The following BANP variants were observed in gnomAD, a reference collection of about 807,000 sequenced individuals.
BANP encodes the protein protein BANP.
A neutral mutation model predicts 68.1 loss-of-function variants in BANP; 11 were observed. The observed-to-expected ratio is 0.16, with a 90% CI of 0.10 to 0.27. BANP has a LOEUF of 0.27. Ranked by LOEUF, BANP falls within the 10% of genes least tolerant of loss-of-function variation. The pLI, the probability that BANP is intolerant of heterozygous loss-of-function variation, is 1.00. For missense variants in BANP, 504 were observed against 722.7 expected, an observed-to-expected ratio of 0.70 and a Z score of 3.47; for synonymous variants, 329 against 303.2, an observed-to-expected ratio of 1.09 and a Z score of -0.88.
intron 1 of BANP, among the ~76,000 whole-genome samples, chr16:87,974,528 G>A (rs1347291327): frequency 2.6e-5 from 4 of 152,212 alleles, no homozygotes; most frequent in East Asian, 1.9e-4. Context: ...TAGCAGAAAC[G>A]GAGTATGGGT....
chr16:88,027,840 C>T (rs1052000794), intron 8 of BANP, among the ~76,000 whole-genome samples, 190 bp downstream of exon 8: 14 of 152,240 alleles, frequency 9.2e-5, no homozygotes, highest in Admixed American at 8.5e-4. Context: ...GCCCTTCACA[C>T]GGACAGCCTC....
intron 11 of BANP, among the ~76,000 whole-genome samples, chr16:88,053,268 TATC>T (rs1448507108): frequency 1.6e-5 from 2 of 126,654 alleles, no homozygotes; most frequent in Non-Finnish European, 3.3e-5. Context: ...CCTCCTTCAC[TATC>T]ATCACCGTCA....
intron 1 of BANP, among the ~76,000 whole-genome samples, chr16:87,956,392 CG>C (rs1461611604): frequency 2.0e-5 from 3 of 152,172 alleles, no homozygotes; most frequent in African/African-American, 7.2e-5. Flanking sequence ...TCTCTTCACA[CG>C]GGTGACGGTG....
intron 13 of BANP, among the ~76,000 whole-genome samples, chr16:88,072,487 C>T (rs1168752216): frequency 6.6e-6 from 1 of 152,234 alleles, no homozygotes; most frequent in Non-Finnish European, 1.5e-5. Flanking sequence ...GAAGCTCTGC[C>T]CTGTCCTCCC....
At chr16:88,048,442 C>T (rs574249862) in intron 11 of BANP, among the ~76,000 whole-genome samples, 6 of 151,802 alleles carry the variant, frequency 4.0e-5, no homozygotes, top group African/African-American at 1.2e-4. Flanking sequence ...ATTGAATCGG[C>T]GCTCACCGCA....
chr16:88,071,744 T>C lies in BANP; in HGVS notation c.1378-325T>C, dbSNP rs1449535426. On this transcript the variant is annotated intron_variant, in intron 12 of 13. Transcript: ENST00000682872. This position sits in a 1 kb window ranked among gnomAD's most constrained non-coding sequence, Gnocchi z 6.5. ...CACTGGGATTTTCCAGGAGGCTCTG[T>C]GGCATTTGCTGTTGCTCTCTTTTTC... 1.8e-6 allele frequency: 1 copy of C among 570,810 alleles called. No homozygotes were observed. The highest frequency in any genetic ancestry group is 3.9e-5 in the East Asian group (1 of 25,662). The allele number at this position is 570,810 out of a possible 1,614,324, so 35.4% of individuals were successfully genotyped here.
intron 8 of BANP, 64 bp downstream of exon 8, chr16:88,027,714 C>G: frequency 1.9e-6 from 3 of 1,585,314 alleles, no homozygotes; most frequent in South Asian, 1.1e-5. Context: ...TGGTGGCACC[C>G]TCAGGGGCAG....
intron 11 of BANP, among the ~76,000 whole-genome samples, chr16:88,056,828 T>C (rs1166693320): frequency 1.3e-5 from 2 of 152,248 alleles, no homozygotes; most frequent in African/African-American, 2.4e-5. Context: ...TGAGTGATCA[T>C]TGAGTGAATG....
At chr16:88,065,861 G>A (rs1232778036) in intron 12 of BANP, among the ~76,000 whole-genome samples, 1 of 152,136 alleles carries the variant, frequency 6.6e-6, no homozygotes, top group African/African-American at 2.4e-5. Context: ...CAGGATCCCA[G>A]CCCCACAGTG....
At chr16:87,964,184 C>G (rs754882194) in intron 1 of BANP, among the ~76,000 whole-genome samples, 2 of 152,248 alleles carry the variant, frequency 1.3e-5, no homozygotes, top group Non-Finnish European at 2.9e-5. Context: ...AATAGCATTT[C>G]TGACATTCAT....
intron 13 of BANP, among the ~76,000 whole-genome samples, chr16:88,075,327 C>CA (rs1204850519): frequency 4.6e-5 from 7 of 152,160 alleles, no homozygotes; most frequent in Non-Finnish European, 8.8e-5. Context: ...GCCTAGGTGA[C>CA]AGAGTGAGAC....
intron 1 of BANP, among the ~76,000 whole-genome samples, chr16:87,964,817 GT>G (rs2059761711): frequency 1.3e-5 from 2 of 152,220 alleles, no homozygotes; most frequent in Non-Finnish European, 2.9e-5. Flanking sequence ...GAGGCCTGAG[GT>G]TTTGGCCTGA....
intron 1 of BANP, among the ~76,000 whole-genome samples, chr16:87,953,425 A>G (rs908165450): frequency 6.6e-6 from 1 of 151,930 alleles, no homozygotes; most frequent in Non-Finnish European, 1.5e-5. Flanking sequence ...CCCAGGCCGT[A>G]CTCGAACTCC....
At chr16:87,962,944 T>A (rs1188364072) in intron 1 of BANP, among the ~76,000 whole-genome samples, 1 of 152,252 alleles carries the variant, frequency 6.6e-6, no homozygotes, top group Non-Finnish European at 1.5e-5. Context: ...CCTGCCTTTC[T>A]CATTATTTCT....
Position 88,001,253 on chromosome 16 carries a change from G to T in BANP, c.363-3042G>T, listed in dbSNP as rs35839867. On this transcript the variant is annotated intron_variant, in intron 4 of 13. Coordinates refer to ENST00000682872, the MANE Select transcript of BANP (RefSeq NM_001386991.1). ...CTCCATGCACGCACGTGCGCGGCTGGACTTACCTGTCCTTCCAGACACCCA... is the reference window on the plus strand; with the variant it reads ...CTCCATGCACGCACGTGCGCGGCTGTACTTACCTGTCCTTCCAGACACCCA... Among the ~76,000 whole-genome samples, 138 of 79,312 alleles carry T rather than the reference G, an allele frequency of 1.7e-3. 7 individuals are homozygous for T. Among genetic ancestry groups the T allele is most frequent in the Middle Eastern group, 8.9e-3 (1 of 112 alleles). The allele number at this position is 79,312 out of a possible 152,430, so 52.0% of individuals were successfully genotyped here. A position where few individuals can be genotyped will look rare whatever the true frequency, so the allele number is the denominator to read the frequency against.
In BANP at chr16:88,002,975, C is replaced by G. The variant is rs866613014; in HGVS notation, c.363-1320C>G. Among the ~76,000 whole-genome samples the G allele has an allele frequency of 6.6e-6, 1 of 152,102 alleles. No individual in the cohort carries two copies. The highest frequency in any genetic ancestry group is 1.5e-5 in the Non-Finnish European group (1 of 68,016). On this transcript the variant is annotated intron_variant, in intron 4 of 13. Coordinates refer to ENST00000682872, the MANE Select transcript of BANP (RefSeq NM_001386991.1). This position sits in a 1 kb window ranked among gnomAD's most constrained non-coding sequence, Gnocchi z 4.6. The stretch of plus-strand genomic sequence containing the variant: ...CCCACATGCTGTGAGCCTAGGATCC[C>G]GGGGCCACCAGTGTTCCATAGCCTC...
At chr16:87,973,665 A>C (rs1234006439) in intron 1 of BANP, among the ~76,000 whole-genome samples, 1 of 150,542 alleles carries the variant, frequency 6.6e-6, no homozygotes. Flanking sequence ...AAGCTGAGGC[A>C]GGAAAATTGC....
chr16:88,033,434 C>T (rs1173757090), intron 9 of BANP, among the ~76,000 whole-genome samples, 189 bp downstream of exon 9: 8 of 152,074 alleles, frequency 5.3e-5, no homozygotes, highest in South Asian at 4.1e-4. Context: ...CAGGTGGGGG[C>T]GGCTGCTGCA....
At chr16:88,037,301 A>G (rs1457216962) in intron 10 of BANP, 3 of 152,238 alleles carry the variant, frequency 2.0e-5, no homozygotes, top group Admixed American at 1.3e-4. Flanking sequence ...TTCGTTTTCA[A>G]TAGGAATTGA....
Sources: gnomAD v4.1 joint callset for allele counts (sites outside exome capture counted in the v4.1 genomes callset) on GRCh38, gnomAD v4.1.1 for gene constraint, Gnocchi (gnomAD v3.1) non-coding constraint, MANE v1.5 for transcripts, NCBI Gene and HGNC (gene_info 2026-07-23, HGNC 2026-07-21) for gene names.